Variants in MAP3K20 observed in about 807,000 individuals in gnomAD.
MAP3K20 encodes HCCS-4.
In MAP3K20, 40 loss-of-function variants were observed where a neutral mutation model predicts 85.7. The observed-to-expected ratio is 0.47, with a 90% CI of 0.36 to 0.61. The LOEUF (loss-of-function observed/expected upper bound fraction) is 0.61. Among genes scored for constraint, MAP3K20 ranks in the 20% least tolerant of loss-of-function variants. The pLI, the probability that MAP3K20 is intolerant of heterozygous loss-of-function variation, is 0.00. For missense variants in MAP3K20, 817 were observed against 961.7 expected, an observed-to-expected ratio of 0.85 and a Z score of 1.99; for synonymous variants, 325 against 327.7, an observed-to-expected ratio of 0.99 and a Z score of 0.09.
intron 2 of MAP3K20, among the ~76,000 whole-genome samples, chr2:173,152,808 A>G (rs953832988): frequency 3.9e-5 from 6 of 152,346 alleles, no homozygotes; most frequent in African/African-American, 1.4e-4. Flanking sequence ...AGAATAGGCT[A>G]TTTTGAAAAA....
intron 2 of MAP3K20, among the ~76,000 whole-genome samples, chr2:173,125,367 T>C (rs1688411119): frequency 6.6e-6 from 1 of 152,224 alleles, no homozygotes; most frequent in African/African-American, 2.4e-5. Context: ...GTTTTACAGC[T>C]TTTTAGCTTG....
intron 10 of MAP3K20, chr2:173,214,215 A>C (rs2106310984): frequency 6.6e-6 from 1 of 152,256 alleles, no homozygotes; most frequent in East Asian, 1.9e-4. Context: ...ATAGGAACAA[A>C]ATCTAGTGTC....
chr2:173,201,553 T>C (rs991970237), intron 8 of MAP3K20, among the ~76,000 whole-genome samples: 3 of 152,192 alleles, frequency 2.0e-5, no homozygotes, highest in African/African-American at 7.2e-5. Context: ...TAAAAAAAAT[T>C]TTACATCTTA....
intron 11 of MAP3K20, among the ~76,000 whole-genome samples, chr2:173,219,928 C>T (rs1390777297): frequency 4.6e-5 from 7 of 151,856 alleles, no homozygotes; most frequent in Non-Finnish European, 7.4e-5. Flanking sequence ...ATTAGCTGGG[C>T]GTGGTGGCGG....
At chr2:173,138,117 G>A (rs1235978561) in intron 2 of MAP3K20, among the ~76,000 whole-genome samples, 6 of 151,838 alleles carry the variant, frequency 4.0e-5, no homozygotes, top group African/African-American at 7.3e-5. Context: ...ACAGGCGCCC[G>A]CCACCCAACC....
chr2:173,229,669 C>A lies in MAP3K20; in HGVS notation c.988-20C>A. 1 of 1,607,366 alleles carries A rather than the reference C, an allele frequency of 6.2e-7. No homozygotes were observed. Among genetic ancestry groups the A allele is most frequent in the Non-Finnish European group, 8.5e-7 (1 of 1,177,932 alleles). The stretch of plus-strand genomic sequence containing the variant: ...ATAATATTACTTTTTTTTTTCATTT[C>A]ATGCATATTTCCCATGCAGCTGCTG... On this transcript the variant is annotated intron_variant, in intron 11 of 19. Transcript: ENST00000375213.
intron 2 of MAP3K20, among the ~76,000 whole-genome samples, chr2:173,153,234 A>T (rs1458542075): frequency 1.3e-5 from 2 of 151,420 alleles, no homozygotes; most frequent in Admixed American, 6.6e-5. Context: ...TCCCATTTTC[A>T]CCCCTCCCCT....
chr2:173,090,794 G>A, intron 1 of MAP3K20: 3 of 1,205,720 alleles, frequency 2.5e-6, no homozygotes, highest in Non-Finnish European at 3.1e-6. Context: ...TTCAAAGTCT[G>A]GGCAGGTTGT....
At chr2:173,159,651 A>G (rs1689591080) in intron 2 of MAP3K20, among the ~76,000 whole-genome samples, 1 of 152,082 alleles carries the variant, frequency 6.6e-6, no homozygotes, top group South Asian at 2.1e-4. Context: ...TGGCCTCCCA[A>G]AGTGCTGGGA....
At chr2:173,151,148 A>C (rs1009051503) in intron 2 of MAP3K20, among the ~76,000 whole-genome samples, 3 of 152,122 alleles carry the variant, frequency 2.0e-5, no homozygotes, top group Non-Finnish European at 4.4e-5. Flanking sequence ...AGACAATAAC[A>C]AGTGTTGGCA....
At chr2:173,082,389 A>G (rs1687036427) in intron 1 of MAP3K20, among the ~76,000 whole-genome samples, 1 of 152,042 alleles carries the variant, frequency 6.6e-6, no homozygotes, top group Admixed American at 6.5e-5. Flanking sequence ...TTCACCCTTC[A>G]TCTTACATTG....
At chr2:173,225,667 G>A (rs1684367877) in intron 11 of MAP3K20, 1 of 982,760 alleles carries the variant, frequency 1.0e-6, no homozygotes, top group African/African-American at 1.8e-5. Context: ...ATCAAATCCA[G>A]AAGCTTTAGA....
chr2:173,076,805 G>A (rs1182217265), intron 1 of MAP3K20, among the ~76,000 whole-genome samples: 2 of 152,196 alleles, frequency 1.3e-5, no homozygotes, highest in African/African-American at 4.8e-5. Context: ...TGGGCTCCCA[G>A]ACCTGCACCA....
At chr2:173,157,897 C>T (rs1333106228) in intron 2 of MAP3K20, among the ~76,000 whole-genome samples, 1 of 152,162 alleles carries the variant, frequency 6.6e-6, no homozygotes, top group Non-Finnish European at 1.5e-5. Context: ...TGAGTTGTTT[C>T]TCACGCTTCT....
chr2:173,226,995 T>C, intron 11 of MAP3K20: 1 of 985,800 alleles, frequency 1.0e-6, no homozygotes, highest in Non-Finnish European at 1.2e-6. Flanking sequence ...TTTCAGTTAC[T>C]GATTTTATAG....
At chr2:173,116,112 A>G (rs1688116155) in intron 2 of MAP3K20, among the ~76,000 whole-genome samples, 2 of 152,032 alleles carry the variant, frequency 1.3e-5, no homozygotes, top group South Asian at 4.2e-4. Context: ...TCAGCCTCCC[A>G]AAGAGCTGGG....
rs181125204 is a variant in MAP3K20 at position 173,079,803 on chromosome 2, T to C, written c.-35+3801T>C. Among the ~76,000 whole-genome samples, 634 of 152,248 alleles carry C rather than the reference T, an allele frequency of 4.2e-3. 1 individual carries two copies. Among genetic ancestry groups the C allele is most frequent in the Non-Finnish European group, 6.2e-3 (422 of 68,010 alleles). ...ACTGGAAGGTCTTCAGGGGCAGTAA[T>C]GTATATGGAGCTGCCATCTCCCCAT... On this transcript the variant is annotated intron_variant, in intron 1 of 19. Coordinates refer to ENST00000375213, the MANE Select transcript of MAP3K20 (RefSeq NM_016653.3).
intron 2 of MAP3K20, among the ~76,000 whole-genome samples, chr2:173,102,763 G>A (rs1325024448): frequency 6.6e-6 from 1 of 152,182 alleles, no homozygotes; most frequent in Admixed American, 6.5e-5. Context: ...AACATGCCAA[G>A]CAGTGCTTCC....
At chr2:173,246,684 C>T (rs7558967) in intron 16 of MAP3K20, among the ~76,000 whole-genome samples, 33,046 of 152,030 alleles carry the variant, frequency 0.22, 4,979 homozygotes, top group East Asian at 0.58. Context: ...TGCTCAACCG[C>T]CACAGACTTT....
Sources: allele counts gnomAD v4.1 joint callset (sites outside exome capture counted in the v4.1 genomes callset), GRCh38; gene constraint gnomAD v4.1.1; transcripts MANE v1.5; gene names NCBI Gene and HGNC (gene_info 2026-07-23, HGNC 2026-07-21).